The following AUTS2 variants were observed in gnomAD, a reference collection of about 807,000 sequenced individuals.
AUTS2 encodes the protein autism susceptibility gene 2 protein.
In AUTS2, 17 loss-of-function variants were observed where a neutral mutation model predicts 112.4. The observed-to-expected ratio is 0.15, with a 90% CI of 0.10 to 0.23. The LOEUF is 0.23. AUTS2 is among the 10% of genes least tolerant of loss of function. The pLI is 1.00. For missense variants in AUTS2, 1,510 were observed against 1,701.6 expected, an observed-to-expected ratio of 0.89 and a Z score of 1.98; for synonymous variants, 751 against 702.7, an observed-to-expected ratio of 1.07 and a Z score of -1.09.
At chr7:70,264,739 A>T (rs1011174660) in intron 4 of AUTS2, among the ~76,000 whole-genome samples, 1 of 152,160 alleles carries the variant, frequency 6.6e-6, no homozygotes, top group South Asian at 2.1e-4. Flanking sequence ...GGATAGTTTT[A>T]GGGGAATGTG....
intron 5 of AUTS2, among the ~76,000 whole-genome samples, chr7:70,638,210 T>C (rs1805624723): frequency 1.3e-5 from 2 of 151,994 alleles, no homozygotes; most frequent in African/African-American, 4.8e-5. Context: ...TGTAAAAGAA[T>C]AGTAATAATC....
intron 1 of AUTS2, among the ~76,000 whole-genome samples, chr7:69,773,752 G>C (rs1028171065): frequency 6.6e-6 from 1 of 152,224 alleles, no homozygotes; most frequent in African/African-American, 2.4e-5. Flanking sequence ...GGCAGAACTA[G>C]TTAGTACTCC....
chr7:69,758,500 G>A (rs955935322), intron 1 of AUTS2, among the ~76,000 whole-genome samples: 5 of 152,068 alleles, frequency 3.3e-5, no homozygotes, highest in Non-Finnish European at 4.4e-5. Context: ...CATCTCTTTC[G>A]TCACTGTGTT....
rs1804266383 is a variant in AUTS2, at chr7:70,097,465, A to T, written c.523-20667A>T. 2.0e-5 allele frequency among the ~76,000 whole-genome samples: 3 copies of T among 152,218 alleles called. No homozygotes were observed. The South Asian group carries it at 6.2e-4, about 31-fold the overall frequency. On this transcript the variant is annotated intron_variant, in intron 2 of 18. Coordinates refer to ENST00000342771, the MANE Select transcript of AUTS2 (RefSeq NM_015570.4). ...TGCATATGTATAAAATATAGAGGTG[A>T]TCACAAAGCATACTGGGCCACTTAG...
In AUTS2 at chr7:69,768,699, G is replaced by A. The variant is rs568176279; in HGVS notation, c.310-130587G>A. Among the ~76,000 whole-genome samples the A allele has an allele frequency of 4.6e-5, 7 of 152,288 alleles. No individual in the cohort carries two copies. The South Asian group carries it at 8.3e-4, about 18-fold the overall frequency. ...CGAATGATAGAAAAGGTTATGTGTC[G>A]TTGGGCAAGGGTTCAAAAGACCTAG... On this transcript the variant is annotated intron_variant, in intron 1 of 18. Transcript: ENST00000342771.
rs1472211813 is a variant in AUTS2, at chr7:69,822,530, C to T, written c.310-76756C>T. ...TTTTGCTCTAGATTCTAGACTTTGG[C>T]GAATAGAATGATACATTTTGTTTAT... On this transcript the variant is annotated intron_variant, in intron 1 of 18. Transcript: ENST00000342771. 5.9e-5 allele frequency among the ~76,000 whole-genome samples: 9 copies of T among 152,154 alleles called. No homozygotes were observed. The East Asian group carries it at 9.7e-4, about 16-fold the overall frequency.
At chr7:70,035,510 C>G (rs963990618) in intron 2 of AUTS2, among the ~76,000 whole-genome samples, 11 of 152,002 alleles carry the variant, frequency 7.2e-5, no homozygotes, top group African/African-American at 2.7e-4. Flanking sequence ...TCTAGACTTG[C>G]CATATTATAG....
chr7:69,815,047 G>A (rs921424905), intron 1 of AUTS2, among the ~76,000 whole-genome samples: 3 of 152,194 alleles, frequency 2.0e-5, no homozygotes, highest in Non-Finnish European at 1.5e-5. Flanking sequence ...CCCTGGCTTT[G>A]CCATGAAGAC....
In AUTS2 at chr7:70,690,711, C is replaced by G. The variant is rs377572064; in HGVS notation, c.691-7858C>G. 1.7e-3 allele frequency among the ~76,000 whole-genome samples: 259 copies of G among 152,142 alleles called. 12 individuals carry two copies. The South Asian group carries it at 0.052, about 30-fold the overall frequency. ...GACAGAGTGGTTCATGCCTGTAATC[C>G]CAGTACTTTGGGAGGTCAAGGTGGG... On this transcript the variant is annotated intron_variant, in intron 5 of 18. Transcript: ENST00000342771.
intron 5 of AUTS2, among the ~76,000 whole-genome samples, chr7:70,615,113 G>A (rs756814881): frequency 1.3e-5 from 2 of 152,194 alleles, no homozygotes; most frequent in Admixed American, 1.3e-4. Flanking sequence ...TTCCCCTGTC[G>A]TCTTTTTCCT....
intron 5 of AUTS2, among the ~76,000 whole-genome samples, chr7:70,655,033 C>T (rs1806696554): frequency 6.6e-6 from 1 of 152,240 alleles, no homozygotes; most frequent in Admixed American, 6.5e-5. Context: ...AGTTTGGACA[C>T]CCACAAAGTA....
chr7:70,197,325 G>A (rs928625665), intron 4 of AUTS2, among the ~76,000 whole-genome samples: 4 of 152,122 alleles, frequency 2.6e-5, no homozygotes, highest in South Asian at 2.1e-4. Context: ...AGAAGTTTAC[G>A]GATGGAGGAG....
Position 70,037,601 on chromosome 7 carries a change from A to G in AUTS2, c.523-80531A>G, listed in dbSNP as rs147497618. ...TTTTATATAATTTTTTGGTAGTTAT[A>G]ATGCTCTGTTCTTTTACAAATTGTG... On this transcript the variant is annotated intron_variant, in intron 2 of 18. Transcript: ENST00000342771. Among the ~76,000 whole-genome samples, 490 of 152,296 alleles carry G rather than the reference A, an allele frequency of 3.2e-3. 1 individual carries two copies. Among genetic ancestry groups the G allele is most frequent in the Non-Finnish European group, 5.3e-3 (359 of 68,016 alleles).
At chr7:70,355,184 A>T (rs1441213686) in intron 4 of AUTS2, among the ~76,000 whole-genome samples, 1 of 151,952 alleles carries the variant, frequency 6.6e-6, no homozygotes, top group African/African-American at 2.4e-5. Context: ...CCGATCCTAA[A>T]CTATTGAGGA....
intron 5 of AUTS2, among the ~76,000 whole-genome samples, chr7:70,651,104 G>C (rs1192429807): frequency 6.6e-6 from 1 of 152,186 alleles, no homozygotes; most frequent in Non-Finnish European, 1.5e-5. Context: ...TTGAGATAAA[G>C]TTCTAAGCAC....
intron 5 of AUTS2, among the ~76,000 whole-genome samples, chr7:70,617,428 C>T (rs1357830516): frequency 5.3e-5 from 8 of 152,040 alleles, no homozygotes; most frequent in African/African-American, 1.4e-4. Context: ...TTTGGGAGGC[C>T]GAGGTGGGCG....
intron 5 of AUTS2, among the ~76,000 whole-genome samples, chr7:70,643,039 T>C (rs1164132701): frequency 6.6e-6 from 1 of 152,240 alleles, no homozygotes; most frequent in Non-Finnish European, 1.5e-5. Flanking sequence ...TTTTTGGTTT[T>C]GTGATATTCC....
chr7:70,532,800 A>G (rs1800150670), intron 5 of AUTS2, among the ~76,000 whole-genome samples: 1 of 152,240 alleles, frequency 6.6e-6, no homozygotes, highest in Non-Finnish European at 1.5e-5. Flanking sequence ...GCAGAACAAA[A>G]TGGAAGAAAG....
At chr7:70,224,412 T>C (rs1462944351) in intron 4 of AUTS2, among the ~76,000 whole-genome samples, 4 of 150,804 alleles carry the variant, frequency 2.7e-5, no homozygotes, top group South Asian at 4.2e-4. Context: ...TATAATACCA[T>C]ACAATACAAT....
Sources: gnomAD v4.1 joint callset for allele counts (sites outside exome capture counted in the v4.1 genomes callset) on GRCh38, gnomAD v4.1.1 for gene constraint, MANE v1.5 for transcripts, NCBI Gene and HGNC (gene_info 2026-07-23, HGNC 2026-07-21) for gene names.